SFSWAP: variants seen among roughly 807,000 people sequenced by gnomAD.
SFSWAP encodes the protein splicing factor SWAP, also known as splicing factor, suppressor of white-apricot homolog.
A neutral mutation model predicts 100.7 loss-of-function variants in SFSWAP; 17 were observed. The observed-to-expected ratio is 0.17, with a 90% CI of 0.12 to 0.25. The LOEUF is 0.25. Ranked by LOEUF, SFSWAP falls within the 10% of genes least tolerant of loss-of-function variation. The pLI, the probability that SFSWAP is intolerant of heterozygous loss-of-function variation, is 1.00. For missense variants in SFSWAP, 1,005 were observed against 1,262.6 expected, an observed-to-expected ratio of 0.80 and a Z score of 3.09; for synonymous variants, 504 against 510.1, an observed-to-expected ratio of 0.99 and a Z score of 0.16.
intron 13 of SFSWAP, among the ~76,000 whole-genome samples, chr12:131,775,520 C>T (rs1164416809): frequency 1.3e-5 from 2 of 152,118 alleles, no homozygotes; most frequent in Admixed American, 6.6e-5. Context: ...ACCCAGGGCT[C>T]GCCTCAGAGG....
rs187062228 is a variant in SFSWAP at position 131,799,413 on chromosome 12, C to T, written c.2791-10C>T. 210 of 1,613,912 alleles carry T rather than the reference C, an allele frequency of 1.3e-4. No homozygotes were observed. The African/African-American group carries it at 2.6e-3, about 20-fold the overall frequency. ...TTCACAGGTTCTCCTCTGTGTCTCG[C>T]CCTGCACAGGATCTCATGGCCAAAG... On this transcript the variant is annotated splice_polypyrimidine_tract_variant and intron_variant, in intron 17 of 17. Transcript: ENST00000261674.
intron 15 of SFSWAP, among the ~76,000 whole-genome samples, chr12:131,792,268 CAT>C (rs1438274884): frequency 3.8e-4 from 57 of 148,442 alleles, no homozygotes; most frequent in African/African-American, 1.2e-3. Flanking sequence ...ACTGTGTGTG[CAT>C]ATGTGTGTAT....
At chr12:131,729,671 A>G (rs1323034192) in intron 7 of SFSWAP, among the ~76,000 whole-genome samples, 1 of 152,202 alleles carries the variant, frequency 6.6e-6, no homozygotes, top group Admixed American at 6.5e-5. Flanking sequence ...TTCCAGCGTC[A>G]GGTCTTTCTG....
At chr12:131,744,097 G>A (rs1489143379) in intron 7 of SFSWAP, among the ~76,000 whole-genome samples, 2 of 152,214 alleles carry the variant, frequency 1.3e-5, no homozygotes, top group East Asian at 3.8e-4. Flanking sequence ...AGGCCTCCAG[G>A]CCTGTGATGG....
intron 6 of SFSWAP, among the ~76,000 whole-genome samples, chr12:131,728,060 T>C (rs1879150641): frequency 6.6e-6 from 1 of 152,250 alleles, no homozygotes; most frequent in Non-Finnish European, 1.5e-5. Flanking sequence ...GTTGTTCGTC[T>C]GTCCTTTTCT....
At chr12:131,732,107 A>G (rs1879571705) in intron 7 of SFSWAP, among the ~76,000 whole-genome samples, 1 of 151,710 alleles carries the variant, frequency 6.6e-6, no homozygotes, top group South Asian at 2.1e-4. Flanking sequence ...ACGGGGTTTC[A>G]CCATGTTGGC....
intron 13 of SFSWAP, among the ~76,000 whole-genome samples, chr12:131,772,295 C>T (rs574720612): frequency 2.2e-4 from 33 of 152,242 alleles, no homozygotes; most frequent in Non-Finnish European, 4.0e-4. Context: ...TGTTCAGTCC[C>T]GTTGATCGTT....
chr12:131,779,658 T>G (rs546639658), intron 14 of SFSWAP, among the ~76,000 whole-genome samples: 1 of 152,234 alleles, frequency 6.6e-6, no homozygotes, highest in Non-Finnish European at 1.5e-5. Flanking sequence ...TTAGCTCTTA[T>G]GTTTCTGTGG....
chr12:131,788,104 T>A (rs1885018560), intron 15 of SFSWAP, among the ~76,000 whole-genome samples: 1 of 152,214 alleles, frequency 6.6e-6, no homozygotes, highest in Non-Finnish European at 1.5e-5. Context: ...AAGGGCATGG[T>A]TAGAAATTAA....
chr12:131,714,029 G>A lies in SFSWAP; in HGVS notation c.219-42G>A. 1.3e-6 allele frequency: 2 copies of A among 1,539,926 alleles called. No individual in the cohort carries two copies. Among genetic ancestry groups the A allele is most frequent in the Non-Finnish European group, 1.8e-6 (2 of 1,116,468 alleles). On this transcript the variant is annotated intron_variant, in intron 1 of 17. Transcript: ENST00000261674. This position sits in a 1 kb window ranked among gnomAD's most constrained non-coding sequence, Gnocchi z 6.0. ...AACATCACACACGCACACCAGTCTA[G>A]ACGTTAATTTCCTTTTATTGACCAG...
At chr12:131,766,757 G>A (rs961837468) in intron 13 of SFSWAP, among the ~76,000 whole-genome samples, 5 of 152,250 alleles carry the variant, frequency 3.3e-5, no homozygotes, top group South Asian at 2.1e-4. Flanking sequence ...AAAAGGAAGA[G>A]GGAGTTAAGA....
intron 16 of SFSWAP, among the ~76,000 whole-genome samples, chr12:131,798,100 G>A (rs950840299): frequency 6.6e-6 from 1 of 152,128 alleles, no homozygotes; most frequent in Non-Finnish European, 1.5e-5. Flanking sequence ...CAGCACTTTG[G>A]GAGGCCAGGG....
At chr12:131,761,051 G>A (rs771220010) in intron 11 of SFSWAP, among the ~76,000 whole-genome samples, 1 of 152,146 alleles carries the variant, frequency 6.6e-6, no homozygotes, top group Non-Finnish European at 1.5e-5. Context: ...CAGCCTGGGC[G>A]AAAGAGCGAA....
rs751981087 is a variant in SFSWAP, at chr12:131,711,301, C to A, written c.72C>A (p.Gly24=). 27 of 1,613,108 alleles carry A rather than the reference C, an allele frequency of 1.7e-5. No individual in the cohort carries two copies. The Admixed American group carries it at 2.7e-4, about 16-fold the overall frequency. ...GCGCGAAGGAGGAGGCCGGGCCAGG[C>A]GGTGCCGGCGGTGGGGGCAGCCGAG... ...KSGAKEEAGP[G]GAGGGGSRVE... is the part of the protein sequence containing the mutation. Residue 24 remains glycine (G), a synonymous_variant, in exon 1 of 18, where the codon GGC becomes GGA. Transcript: ENST00000261674. This position sits in a 1 kb window ranked among gnomAD's most constrained non-coding sequence, Gnocchi z 4.9.
intron 13 of SFSWAP, among the ~76,000 whole-genome samples, chr12:131,766,579 C>T (rs909061340): frequency 6.6e-6 from 1 of 152,256 alleles, no homozygotes; most frequent in African/African-American, 2.4e-5. Context: ...CCTTATGGGG[C>T]TGGCAGGAGG....
In SFSWAP at chr12:131,748,512, A is replaced by C. The variant is rs115304212; in HGVS notation, c.1082-4611A>C. Reference sequence around the variant, plus strand: ...TCATCCTCCCTGACTTAGCTCTTCCAGAAAGGTGGTTGCTCACCAATCTCC... The same window carrying C: ...TCATCCTCCCTGACTTAGCTCTTCCCGAAAGGTGGTTGCTCACCAATCTCC... On this transcript the variant is annotated intron_variant, in intron 7 of 17. Transcript: ENST00000261674. 2.1e-3 allele frequency among the ~76,000 whole-genome samples: 324 copies of C among 152,290 alleles called. 3 individuals carry two copies. Among genetic ancestry groups the C allele is most frequent in the African/African-American group, 7.3e-3 (302 of 41,560 alleles).
At chr12:131,793,216 G>C (rs1885401958) in intron 15 of SFSWAP, among the ~76,000 whole-genome samples, 1 of 151,866 alleles carries the variant, frequency 6.6e-6, no homozygotes, top group Non-Finnish European at 1.5e-5. Context: ...ACCTCAGCTG[G>C]GACCACAGGC....
intron 15 of SFSWAP, among the ~76,000 whole-genome samples, chr12:131,790,077 CCT>C (rs551722570): frequency 4.4e-4 from 67 of 152,224 alleles, no homozygotes; most frequent in African/African-American, 1.5e-3. Flanking sequence ...TGACTTTCCC[CCT>C]CTCTTCTTCC....
rs1879754413 is a variant in SFSWAP at position 131,733,952 on chromosome 12, G to C, written c.1081+5524G>C. Among the ~76,000 whole-genome samples the C allele has an allele frequency of 6.6e-6, 1 of 152,102 alleles. No individual in the cohort carries two copies. Among genetic ancestry groups the C allele is most frequent in the Non-Finnish European group, 1.5e-5 (1 of 67,996 alleles). Reference sequence around the variant, plus strand: ...CCCCAAACACACACATGGGAGCCCTGAGCCCACCCTGGGGCAGGGTGACAC... The same window carrying C: ...CCCCAAACACACACATGGGAGCCCTCAGCCCACCCTGGGGCAGGGTGACAC... On this transcript the variant is annotated intron_variant, in intron 7 of 17. Transcript: ENST00000261674. This position sits in a 1 kb window ranked among gnomAD's most constrained non-coding sequence, Gnocchi z 5.1.
Sources: gnomAD v4.1 joint callset for allele counts (sites outside exome capture counted in the v4.1 genomes callset) on GRCh38, gnomAD v4.1.1 for gene constraint, Gnocchi (gnomAD v3.1) non-coding constraint, MANE v1.5 for transcripts, NCBI Gene and HGNC (gene_info 2026-07-23, HGNC 2026-07-21) for gene names.